FSTL4: variants seen among roughly 807,000 people sequenced by gnomAD.
FSTL4 encodes the protein follistatin like 4.
A neutral mutation model predicts 78.2 loss-of-function variants in FSTL4; 28 were observed. The observed-to-expected ratio is 0.36, with a 90% CI of 0.27 to 0.49. The LOEUF is 0.49. Ranked by LOEUF, FSTL4 falls within the 20% of genes least tolerant of loss-of-function variation. FSTL4 has a pLI of 0.98. For synonymous variants in FSTL4, 422 were observed against 440.5 expected, an observed-to-expected ratio of 0.96 and a Z score of 0.53; for missense variants, 922 against 1,084.9, an observed-to-expected ratio of 0.85 and a Z score of 2.11.
chr5:133,418,747 C>A (rs1297263724), intron 3 of FSTL4, among the ~76,000 whole-genome samples: 1 of 152,192 alleles, frequency 6.6e-6, no homozygotes, highest in East Asian at 1.9e-4. Flanking sequence ...GACACACCTT[C>A]ATTGAAGTAT....
the FSTL4 span, among the ~76,000 whole-genome samples, chr5:133,733,026 C>T: frequency 6.6e-6 from 1 of 152,228 alleles, no homozygotes; most frequent in African/African-American, 2.4e-5. Context: ...TGACCCCCAC[C>T]TAGCATAGTG....
chr5:133,455,293 T>C (rs1757465415), intron 3 of FSTL4, among the ~76,000 whole-genome samples: 1 of 152,202 alleles, frequency 6.6e-6, no homozygotes, highest in Admixed American at 6.5e-5. Context: ...AAACTCATCC[T>C]ATGAAAATGC....
intron 3 of FSTL4, among the ~76,000 whole-genome samples, chr5:133,420,483 C>G (rs556831755): frequency 2.0e-5 from 3 of 152,290 alleles, no homozygotes; most frequent in African/African-American, 7.2e-5. Context: ...TTATTCCTCC[C>G]AAATCTTAAC....
chr5:133,281,237 A>G (rs1009287879), intron 6 of FSTL4, among the ~76,000 whole-genome samples: 30 of 152,100 alleles, frequency 2.0e-4, no homozygotes, highest in African/African-American at 6.8e-4. Flanking sequence ...ATCTGCATTA[A>G]TGGCCTTGAG....
chr5:133,448,371 C>T (rs867110632), intron 3 of FSTL4, among the ~76,000 whole-genome samples: 1 of 152,168 alleles, frequency 6.6e-6, no homozygotes, highest in Non-Finnish European at 1.5e-5. Context: ...AACAGGGGGG[C>T]CCCCGTATGC....
chr5:133,354,995 C>G (rs559902562), intron 4 of FSTL4, among the ~76,000 whole-genome samples: 37 of 152,352 alleles, frequency 2.4e-4, no homozygotes, highest in Admixed American at 1.5e-3. Context: ...TCTAGGAAGC[C>G]CTGCTGTCAG....
intron 2 of FSTL4, among the ~76,000 whole-genome samples, chr5:133,594,146 C>T (rs1437494778): frequency 6.6e-6 from 1 of 152,172 alleles, no homozygotes; most frequent in Non-Finnish European, 1.5e-5. Flanking sequence ...AAGATATGAT[C>T]CTAAGCCATA....
intron 6 of FSTL4, among the ~76,000 whole-genome samples, chr5:133,301,641 A>G (rs1753543243): frequency 6.6e-6 from 1 of 152,134 alleles, no homozygotes. Context: ...AGTCCCAACA[A>G]GTATATAAAC....
intron 8 of FSTL4, 132 bp downstream of exon 8, chr5:133,233,285 A>G (rs1296441941): frequency 2.9e-6 from 3 of 1,024,444 alleles, no homozygotes; most frequent in Middle Eastern, 3.2e-4. Context: ...CCCTTTACTT[A>G]TAAGAGAGAT....
At chr5:133,354,145 C>T (rs1347727007) in intron 4 of FSTL4, among the ~76,000 whole-genome samples, 1 of 151,624 alleles carries the variant, frequency 6.6e-6, no homozygotes, top group Non-Finnish European at 1.5e-5. Context: ...TTATACAGGA[C>T]TATTATAAGG....
At chr5:133,460,298 A>T (rs986508380) in intron 3 of FSTL4, among the ~76,000 whole-genome samples, 9 of 151,334 alleles carry the variant, frequency 5.9e-5, no homozygotes, top group Non-Finnish European at 1.3e-4. Context: ...CACCTTCCCC[A>T]GTGCTCTTTC....
At chr5:133,248,114 C>T (rs1011372073) in intron 7 of FSTL4, 5 of 152,272 alleles carry the variant, frequency 3.3e-5, no homozygotes, top group Admixed American at 2.6e-4. Flanking sequence ...GAGCTCAGCG[C>T]CTCCTGTGGC....
chr5:133,688,798 T>C, the FSTL4 span, among the ~76,000 whole-genome samples: 1 of 152,220 alleles, frequency 6.6e-6, no homozygotes, highest in Non-Finnish European at 1.5e-5. Flanking sequence ...TGGAAACTTG[T>C]GCTTAGCTGC....
At chr5:133,807,534 T>C in the FSTL4 span, among the ~76,000 whole-genome samples, 1 of 152,222 alleles carries the variant, frequency 6.6e-6, no homozygotes, top group East Asian at 1.9e-4. Flanking sequence ...AAGCCTGTCA[T>C]GCTGCTCTCC....
chr5:133,630,541 T>C, the FSTL4 span, among the ~76,000 whole-genome samples: 2 of 152,158 alleles, frequency 1.3e-5, no homozygotes, highest in Non-Finnish European at 2.9e-5. Context: ...ATAGGAAGAA[T>C]CAATATCGTG....
the FSTL4 span, among the ~76,000 whole-genome samples, chr5:133,791,383 GTATAT>G: frequency 6.6e-6 from 1 of 151,886 alleles, no homozygotes; most frequent in Non-Finnish European, 1.5e-5. Context: ...TACATTACAT[GTATAT>G]TATATTTATT....
chr5:133,319,762 C>T (rs942250045), intron 4 of FSTL4, among the ~76,000 whole-genome samples: 1 of 152,210 alleles, frequency 6.6e-6, no homozygotes, highest in Admixed American at 6.5e-5. Context: ...CCACTGGGGT[C>T]CTGAGATGAA....
At position 133,491,401 on chromosome 5, in the gene FSTL4, CTTTTTTTTTTT is replaced by C. The variant is rs754185647; in HGVS notation, c.160+75774_160+75784del. Among the ~76,000 whole-genome samples the C allele has an allele frequency of 3.6e-5, 5 of 137,918 alleles. No homozygotes were observed. In the East Asian group the frequency reaches 1.0e-3, roughly 29 times the overall value. The allele number at this position is 137,918 out of a possible 152,430, so 90.5% of individuals were successfully genotyped here. A position where few individuals can be genotyped will look rare whatever the true frequency, so the allele number is the denominator to read the frequency against. ...TTAATGTTACTACAAACAATTTTTTCTTTTTTTTTTTTTTTTGAGACGGAGTCTCACTCTGC... is the reference window on the plus strand; with the variant it reads ...TTAATGTTACTACAAACAATTTTTTCTTTTTGAGACGGAGTCTCACTCTGC... On this transcript the variant is annotated intron_variant, in intron 3 of 15. Coordinates refer to ENST00000265342, the MANE Select transcript of FSTL4 (RefSeq NM_015082.2).
At chr5:133,664,291 G>T in the FSTL4 span, among the ~76,000 whole-genome samples, 1 of 151,804 alleles carries the variant, frequency 6.6e-6, no homozygotes, top group Non-Finnish European at 1.5e-5. Flanking sequence ...GAAACATGGC[G>T]CAGCATAGCC....
Sources: allele counts gnomAD v4.1 joint callset (sites outside exome capture counted in the v4.1 genomes callset), GRCh38; gene constraint gnomAD v4.1.1; transcripts MANE v1.5; gene names NCBI Gene and HGNC (gene_info 2026-07-23, HGNC 2026-07-21).